The following TTC39B variants were observed in gnomAD, a reference collection of about 807,000 sequenced individuals.
The protein encoded by TTC39B is tetratricopeptide repeat domain 39B.
In TTC39B, 92 loss-of-function variants were observed where a neutral mutation model predicts 96.6. The observed-to-expected ratio is 0.95, with a 90% CI of 0.80 to 1.13. The LOEUF (loss-of-function observed/expected upper bound fraction) is 1.13. Ranked by LOEUF, TTC39B falls within the 50% of genes most tolerant of loss-of-function variation. TTC39B has a pLI of 0.00. For synonymous variants in TTC39B, 367 were observed against 299.4 expected (o/e 1.23, Z -2.33); for missense variants, 955 against 809.3 (o/e 1.18, Z -2.18).
At chr9:15,257,171 G>C (rs1822781448) in intron 2 of TTC39B, among the ~76,000 whole-genome samples, 2 of 152,200 alleles carry the variant, frequency 1.3e-5, no homozygotes, top group South Asian at 4.1e-4. Context: ...AAAGCATACA[G>C]ATTAAACTAT....
chr9:15,294,804 A>T (rs1411747779), intron 1 of TTC39B, among the ~76,000 whole-genome samples: 2 of 152,206 alleles, frequency 1.3e-5, no homozygotes, highest in Non-Finnish European at 2.9e-5. Context: ...GTGAGCAGCC[A>T]CAGAGTGCAG....
At chr9:15,242,407 C>A (rs1822084854) in intron 2 of TTC39B, among the ~76,000 whole-genome samples, 1 of 152,032 alleles carries the variant, frequency 6.6e-6, no homozygotes, top group Non-Finnish European at 1.5e-5. Flanking sequence ...CATAGGGAGA[C>A]CCCATCTCTA....
intron 6 of TTC39B, among the ~76,000 whole-genome samples, chr9:15,208,385 TA>T (rs1012475639): frequency 4.0e-5 from 6 of 151,492 alleles, no homozygotes; most frequent in African/African-American, 1.5e-4. Context: ...AAAATGCAGC[TA>T]AAAAAAATCT....
intron 1 of TTC39B, among the ~76,000 whole-genome samples, chr9:15,288,162 G>C (rs1824048405): frequency 6.6e-6 from 1 of 152,116 alleles, no homozygotes; most frequent in African/African-American, 2.4e-5. Flanking sequence ...TATCAAAGTT[G>C]TGAGAAATAC....
At chr9:15,240,983 C>T (rs565151666) in intron 2 of TTC39B, among the ~76,000 whole-genome samples, 3 of 152,134 alleles carry the variant, frequency 2.0e-5, no homozygotes, top group East Asian at 3.8e-4. Flanking sequence ...TTGCTAAAAA[C>T]GAACAATGAT....
At chr9:15,227,098 G>A (rs1821163664) in intron 2 of TTC39B, among the ~76,000 whole-genome samples, 1 of 152,136 alleles carries the variant, frequency 6.6e-6, no homozygotes, top group Non-Finnish European at 1.5e-5. Flanking sequence ...CCCGAGGTCA[G>A]GAGTTCGAGA....
chr9:15,234,393 C>T (rs1325804421), intron 2 of TTC39B, among the ~76,000 whole-genome samples: 1 of 150,578 alleles, frequency 6.6e-6, no homozygotes. Flanking sequence ...GCTGCCCCAT[C>T]CAGGAGGGAG....
chr9:15,303,167 C>CA (rs576860265), intron 1 of TTC39B, among the ~76,000 whole-genome samples: 15 of 147,768 alleles, frequency 1.0e-4, no homozygotes, highest in East Asian at 2.0e-4. Flanking sequence ...GACTCCAACT[C>CA]AAAAAAAAAA....
chr9:15,215,183 T>C (rs531488281), intron 3 of TTC39B, among the ~76,000 whole-genome samples: 2 of 152,242 alleles, frequency 1.3e-5, no homozygotes, highest in South Asian at 4.1e-4. Context: ...CTCAGGAGTT[T>C]GTGGCTGTAG....
chr9:15,212,228 T>C (rs1054368340), intron 4 of TTC39B, among the ~76,000 whole-genome samples: 8 of 152,186 alleles, frequency 5.3e-5, no homozygotes, highest in Non-Finnish European at 8.8e-5. Flanking sequence ...TCCATGGAAA[T>C]AGTCTAAACA....
At chr9:15,230,395 T>A (rs1483268863) in intron 2 of TTC39B, among the ~76,000 whole-genome samples, 1 of 152,176 alleles carries the variant, frequency 6.6e-6, no homozygotes, top group Non-Finnish European at 1.5e-5. Context: ...CCACTCCACC[T>A]CCTCTAGTCC....
chr9:15,244,659 C>A (rs1466016948), intron 2 of TTC39B, among the ~76,000 whole-genome samples: 1 of 152,178 alleles, frequency 6.6e-6, no homozygotes, highest in Non-Finnish European at 1.5e-5. Context: ...ATTAGACAGA[C>A]CATTATATTC....
At chr9:15,210,036 T>C in intron 6 of TTC39B, 52 bp downstream of exon 6, 1 of 1,280,940 alleles carries the variant, frequency 7.8e-7, no homozygotes, top group East Asian at 2.3e-5. Context: ...TATGAGATGA[T>C]CATTTAACTA....
chr9:15,252,530 C>T (rs1030279848), intron 2 of TTC39B, among the ~76,000 whole-genome samples: 4 of 152,076 alleles, frequency 2.6e-5, no homozygotes, highest in African/African-American at 9.7e-5. Flanking sequence ...TGCCTGTAAT[C>T]CCAGCTACTT....
rs569844264 is a variant in TTC39B at position 15,221,370 on chromosome 9, C to A, written c.371+4547G>T. Reference sequence around the variant, plus strand: ...AATTGATTCTGTGGGCTATATAACTCATTACAGTCATTATTTATTTTCTTT... The same window carrying A: ...AATTGATTCTGTGGGCTATATAACTAATTACAGTCATTATTTATTTTCTTT... On this transcript the variant is annotated intron_variant, in intron 3 of 19. Coordinates refer to ENST00000512701, the Ensembl canonical transcript of TTC39B. Among the ~76,000 whole-genome samples, 12 of 152,264 alleles carry A rather than the reference C, an allele frequency of 7.9e-5. 1 individual carries two copies. The South Asian group carries it at 2.5e-3, about 32-fold the overall frequency.
At chr9:15,303,880 C>T (rs1294885866) in intron 1 of TTC39B, among the ~76,000 whole-genome samples, 2 of 152,136 alleles carry the variant, frequency 1.3e-5, no homozygotes, top group Non-Finnish European at 2.9e-5. Context: ...GGTGATCCAC[C>T]CGCCTCAGCC....
intron 1 of TTC39B, among the ~76,000 whole-genome samples, chr9:15,305,738 A>T (rs1004304359): frequency 3.3e-5 from 5 of 150,464 alleles, no homozygotes; most frequent in Middle Eastern, 3.2e-3. Flanking sequence ...TGGGGTGACC[A>T]TTTGTCAAAG....
intron 3 of TTC39B, among the ~76,000 whole-genome samples, chr9:15,220,013 C>T (rs1187190669): frequency 6.6e-6 from 1 of 152,202 alleles, no homozygotes; most frequent in Non-Finnish European, 1.5e-5. Context: ...GATCTCCATA[C>T]GTCTGACTCT....
exon 20 of TTC39B, chr9:15,166,719 A>T (rs1817523348): frequency 6.6e-6 from 1 of 151,990 alleles, no homozygotes; most frequent in Admixed American, 6.6e-5. Context: ...AAAGACAAAA[A>T]TATGTAAATA....
Sources: gnomAD v4.1 joint callset for allele counts (sites outside exome capture counted in the v4.1 genomes callset) on GRCh38, gnomAD v4.1.1 for gene constraint, MANE v1.5 for transcripts, NCBI Gene and HGNC (gene_info 2026-07-23, HGNC 2026-07-21) for gene names.